Variants in SPRR2B observed in about 807,000 individuals in gnomAD.
SPRR2B encodes the protein small proline rich protein 2B, also known as small proline-rich protein 2B.
SPRR2B carries 1 observed loss-of-function variant against 1.0 expected under a neutral mutation model. That is an observed-to-expected ratio of 1.01 (90% CI 0.36 to 4.77). The LOEUF (loss-of-function observed/expected upper bound fraction) is 4.77. SPRR2B is among the 30% of genes most tolerant of loss of function. The pLI is 0.16. For synonymous variants in SPRR2B, 27 were observed against 33.4 expected, an observed-to-expected ratio of 0.81 and a Z score of 0.66; for missense variants, 53 against 88.7, an observed-to-expected ratio of 0.60 and a Z score of 1.62.
At chr1:153,074,566 T>G (rs1186644809), upstream of SPRR2B, among the ~76,000 whole-genome samples, 1 of 152,194 alleles carries the variant, frequency 6.6e-6, no homozygotes, top group Non-Finnish European at 1.5e-5. Context: ...GTTTTGGAAA[T>G]TTGTTTAGTA....
the SPRR2B span, among the ~76,000 whole-genome samples, chr1:153,085,019 C>T: frequency 8.5e-5 from 13 of 152,124 alleles, no homozygotes; most frequent in Non-Finnish European, 1.0e-4. Context: ...AAATTAAAAC[C>T]CATCCAAATG....
upstream of SPRR2B, among the ~76,000 whole-genome samples, chr1:153,075,881 G>A (rs1378670738): frequency 6.6e-6 from 1 of 152,234 alleles, no homozygotes; most frequent in African/African-American, 2.4e-5. Flanking sequence ...TGATAAAAAT[G>A]AGTTAACCTA....
At chr1:153,083,203 A>G in the SPRR2B span, among the ~76,000 whole-genome samples, 1 of 152,310 alleles carries the variant, frequency 6.6e-6, no homozygotes, top group East Asian at 1.9e-4. Context: ...TCACTAATGT[A>G]AAATCTCACA....
At chr1:153,078,206 G>A in the SPRR2B span, among the ~76,000 whole-genome samples, 1 of 152,106 alleles carries the variant, frequency 6.6e-6, no homozygotes, top group African/African-American at 2.4e-5. Context: ...CACAAAGGAG[G>A]TGAAAGTAAT....
chr1:153,084,354 C>T, the SPRR2B span, among the ~76,000 whole-genome samples: 3 of 152,110 alleles, frequency 2.0e-5, no homozygotes, highest in Admixed American at 6.5e-5. Context: ...ATGGCCATTG[C>T]AGTCACATAG....
At chr1:153,079,117 T>G in the SPRR2B span, among the ~76,000 whole-genome samples, 1 of 152,270 alleles carries the variant, frequency 6.6e-6, no homozygotes, top group Non-Finnish European at 1.5e-5. Flanking sequence ...TGGCCAGTGA[T>G]GGTGAGCATT....
At chr1:153,073,312 C>T (rs983607258), upstream of SPRR2B, among the ~76,000 whole-genome samples, 1 of 152,208 alleles carries the variant, frequency 6.6e-6, no homozygotes, top group African/African-American at 2.4e-5. Flanking sequence ...TACTCTTCCC[C>T]AGAGCCTCAC....
the SPRR2B span, among the ~76,000 whole-genome samples, chr1:153,080,293 G>T: frequency 6.0e-3 from 919 of 151,954 alleles, 7 homozygotes; most frequent in Non-Finnish European, 9.8e-3. Flanking sequence ...AAAAATAGAG[G>T]GCTTAAATAT....
At chr1:153,075,004 A>G (rs1197267551), upstream of SPRR2B, among the ~76,000 whole-genome samples, 1 of 152,208 alleles carries the variant, frequency 6.6e-6, no homozygotes, top group African/African-American at 2.4e-5. Context: ...TAGCACTGAC[A>G]TACATACACT....
upstream of SPRR2B, among the ~76,000 whole-genome samples, chr1:153,076,030 A>C (rs1041136520): frequency 1.3e-5 from 2 of 152,132 alleles, no homozygotes; most frequent in Non-Finnish European, 2.9e-5. Flanking sequence ...AAATATTAAC[A>C]TGTATAGATA....
chr1:153,072,769 T>C (rs1036893518), upstream of SPRR2B, among the ~76,000 whole-genome samples: 2 of 152,186 alleles, frequency 1.3e-5, no homozygotes, highest in Non-Finnish European at 2.9e-5. Flanking sequence ...ATACCTCTCA[T>C]CTGTCCATTT....
At chr1:153,079,519 T>C in the SPRR2B span, among the ~76,000 whole-genome samples, 1 of 152,236 alleles carries the variant, frequency 6.6e-6, no homozygotes, top group African/African-American at 2.4e-5. Context: ...AAGTCTTTAA[T>C]CCATCTTGAA....
the SPRR2B span, among the ~76,000 whole-genome samples, chr1:153,084,473 C>T: frequency 6.6e-6 from 1 of 152,050 alleles, no homozygotes; most frequent in Admixed American, 6.6e-5. Flanking sequence ...AAACAAAAAC[C>T]CCAAATTGTT....
At chr1:153,085,360 A>G in the SPRR2B span, among the ~76,000 whole-genome samples, 8 of 152,202 alleles carry the variant, frequency 5.3e-5, no homozygotes, top group African/African-American at 1.9e-4. Context: ...GAAAAACACT[A>G]CAAAATTCAT....
At chr1:153,073,920 C>T (rs953439091), upstream of SPRR2B, among the ~76,000 whole-genome samples, 1 of 152,038 alleles carries the variant, frequency 6.6e-6, no homozygotes, top group African/African-American at 2.4e-5. Flanking sequence ...TTTTGTGATT[C>T]ACAAAGTATA....
At chr1:153,081,085 C>T in the SPRR2B span, among the ~76,000 whole-genome samples, 1 of 152,208 alleles carries the variant, frequency 6.6e-6, no homozygotes, top group Non-Finnish European at 1.5e-5. Flanking sequence ...CAAACTTACA[C>T]ATTCAAAAAG....
the SPRR2B span, among the ~76,000 whole-genome samples, chr1:153,083,609 A>G: frequency 1.3e-5 from 2 of 152,130 alleles, no homozygotes; most frequent in Non-Finnish European, 2.9e-5. Context: ...AAAAGAGAGA[A>G]AGCTGGGAGC....
chr1:153,075,450 A>G (rs1342876233), upstream of SPRR2B, among the ~76,000 whole-genome samples: 1 of 152,200 alleles, frequency 6.6e-6, no homozygotes, highest in African/African-American at 2.4e-5. Flanking sequence ...TTTGTCTACT[A>G]TCTAAGAGCC....
the SPRR2B span, among the ~76,000 whole-genome samples, chr1:153,085,829 A>T: frequency 2.6e-5 from 4 of 152,166 alleles, no homozygotes; most frequent in African/African-American, 9.7e-5. Flanking sequence ...CTAAAAACAG[A>T]CCTCTCAGCA....
Sources: gnomAD v4.1 joint callset for allele counts (sites outside exome capture counted in the v4.1 genomes callset) on GRCh38, gnomAD v4.1.1 for gene constraint, MANE v1.5 for transcripts, NCBI Gene and HGNC (gene_info 2026-07-23, HGNC 2026-07-21) for gene names.